The following ARHGAP25 variants were observed in gnomAD, a reference collection of about 807,000 sequenced individuals.
The protein encoded by ARHGAP25 is Rho GTPase activating protein 25.
Under a neutral mutation model 71.0 loss-of-function variants are expected in ARHGAP25, and 34 were observed. That is an observed-to-expected ratio of 0.48 (90% CI 0.36 to 0.64). The LOEUF (loss-of-function observed/expected upper bound fraction) is 0.64. ARHGAP25 is among the 30% of genes least tolerant of loss of function. ARHGAP25 has a pLI of 0.00. For missense variants in ARHGAP25, 706 were observed against 805.1 expected (o/e 0.88, Z 1.49); for synonymous variants, 282 against 296.5 (o/e 0.95, Z 0.50).
At chr2:68,792,140 A>G (rs4854517) in intron 4 of ARHGAP25, among the ~76,000 whole-genome samples, 140,006 of 152,228 alleles carry the variant, frequency 0.92, 64,414 homozygotes, top group African/African-American at 0.94. Flanking sequence ...CTCTTCCTCC[A>G]GAGATGAGCC....
intron 4 of ARHGAP25, among the ~76,000 whole-genome samples, chr2:68,792,200 A>C (rs540993843): frequency 2.2e-4 from 33 of 152,256 alleles, no homozygotes; most frequent in African/African-American, 7.7e-4. Flanking sequence ...AATGCATTAC[A>C]TTGTTCTCCT....
intron 4 of ARHGAP25, among the ~76,000 whole-genome samples, chr2:68,788,280 C>G (rs1214185238): frequency 6.6e-6 from 1 of 152,184 alleles, no homozygotes; most frequent in African/African-American, 2.4e-5. Flanking sequence ...GTACTCTCAT[C>G]TGTAAAATGA....
chr2:68,783,365 A>G (rs984125051), intron 3 of ARHGAP25, among the ~76,000 whole-genome samples: 6 of 152,236 alleles, frequency 3.9e-5, no homozygotes, highest in Non-Finnish European at 8.8e-5. Flanking sequence ...ATGCAGAAAA[A>G]AAATCCTAAA....
intron 1 of ARHGAP25, among the ~76,000 whole-genome samples, chr2:68,754,625 T>C (rs1676372870): frequency 6.6e-6 from 1 of 152,240 alleles, no homozygotes; most frequent in African/African-American, 2.4e-5. Flanking sequence ...GATCATATGA[T>C]AGGTATATAT....
At chr2:68,789,331 C>G (rs10865375) in intron 4 of ARHGAP25, among the ~76,000 whole-genome samples, 65,466 of 152,050 alleles carry the variant, frequency 0.43, 14,377 homozygotes, top group African/African-American at 0.47. Flanking sequence ...AGCCACCGTG[C>G]CCGGCCTGGA....
At chr2:68,757,767 AT>A (rs1170667166) in intron 1 of ARHGAP25, 1 of 152,134 alleles carries the variant, frequency 6.6e-6, no homozygotes, top group Non-Finnish European at 1.5e-5. Context: ...CAGAATTGCT[AT>A]AATGATGGTA....
At chr2:68,818,709 C>G (rs560207980) in intron 8 of ARHGAP25, among the ~76,000 whole-genome samples, 1 of 152,340 alleles carries the variant, frequency 6.6e-6, no homozygotes, top group East Asian at 1.9e-4. Context: ...TGTCCTGACA[C>G]AGAGTACTGA....
At chr2:68,788,050 A>C (rs1444646913) in intron 4 of ARHGAP25, 94 bp downstream of exon 4, 1 of 980,400 alleles carries the variant, frequency 1.0e-6, no homozygotes. Context: ...AGCAGTGCTC[A>C]AGGGAGACAA....
At chr2:68,810,606 C>T (rs375473250) in intron 5 of ARHGAP25, among the ~76,000 whole-genome samples, 14 of 152,190 alleles carry the variant, frequency 9.2e-5, no homozygotes, top group African/African-American at 3.4e-4. Flanking sequence ...TAATCCCTTT[C>T]TCTTTTCTAA....
Position 68,734,945 on chromosome 2 carries a change from C to A in ARHGAP25, c.-255C>A. 1.8e-6 allele frequency: 1 copy of A among 566,888 alleles called. No individual in the cohort carries two copies. The highest frequency in any genetic ancestry group is 3.1e-6 in the Non-Finnish European group (1 of 319,068). 35.1% of individuals were successfully genotyped at this position (566,888 alleles called of 1,614,324 possible). A position where few individuals can be genotyped will look rare whatever the true frequency, so the allele number is the denominator to read the frequency against. ...GAAAGCAAGAAAAGCAGGGTGCTAGCCCCTGTGGGACTGAGGGTGGAGGCT... is the reference window on the plus strand; with the variant it reads ...GAAAGCAAGAAAAGCAGGGTGCTAGACCCTGTGGGACTGAGGGTGGAGGCT... On this transcript the variant is annotated 5_prime_UTR_variant, in exon 1 of 11. Coordinates refer to ENST00000409202, the MANE Select transcript of ARHGAP25 (RefSeq NM_001007231.3).
chr2:68,800,721 A>ATT (rs1278627036), intron 4 of ARHGAP25, among the ~76,000 whole-genome samples: 1 of 152,208 alleles, frequency 6.6e-6, no homozygotes, highest in Non-Finnish European at 1.5e-5. Flanking sequence ...CAGTTTTCTC[A>ATT]TCTGTAAAAT....
intron 1 of ARHGAP25, chr2:68,757,840 G>C (rs1283707212): frequency 6.6e-6 from 1 of 151,992 alleles, no homozygotes; most frequent in African/African-American, 2.4e-5. Flanking sequence ...ACAATTATTA[G>C]TCTGGAAGCT....
At chr2:68,804,959 C>G (rs999314502) in intron 4 of ARHGAP25, among the ~76,000 whole-genome samples, 11 of 152,134 alleles carry the variant, frequency 7.2e-5, no homozygotes, top group African/African-American at 2.7e-4. Flanking sequence ...CAGGTACATA[C>G]AAATCATGAT....
intron 1 of ARHGAP25, among the ~76,000 whole-genome samples, chr2:68,760,883 T>G (rs1165607831): frequency 5.6e-5 from 1 of 17,840 alleles, no homozygotes; most frequent in Admixed American, 5.5e-4. Flanking sequence ...AAAAAAAAAT[T>G]TTTGAAAAAG....
At chr2:68,795,747 A>T (rs560447435) in intron 4 of ARHGAP25, among the ~76,000 whole-genome samples, 2 of 152,182 alleles carry the variant, frequency 1.3e-5, no homozygotes, top group Admixed American at 6.5e-5. Flanking sequence ...TGCAATTGTT[A>T]TATAGAATGT....
chr2:68,816,936 G>A (rs2103688624), intron 7 of ARHGAP25: 1 of 152,542 alleles, frequency 6.6e-6, no homozygotes, highest in Non-Finnish European at 1.5e-5. Flanking sequence ...ATAGCAAACA[G>A]TAAATGAGAA....
chr2:68,718,020 C>T (rs11689900), intron 2 of ARHGAP25, among the ~76,000 whole-genome samples: 35,742 of 151,942 alleles, frequency 0.24, 4,458 homozygotes, highest in East Asian at 0.37. Flanking sequence ...ACAGATAATT[C>T]ACTTGGTGGG....
Position 68,724,029 on chromosome 2 carries a change from G to A in ARHGAP25, c.-18+13331G>A, listed in dbSNP as rs368606760. Among the ~76,000 whole-genome samples the A allele has an allele frequency of 3.9e-5, 6 of 151,978 alleles. No individual in the cohort carries two copies. In the East Asian group the frequency reaches 1.2e-3, roughly 29 times the overall value. On this transcript the variant is annotated intron_variant and NMD_transcript_variant, in intron 2 of 7. Coordinates refer to the ARHGAP25 transcript ENST00000463483. ...GCTGGGACTACAGGTGTGCCACCAC[G>A]CCCAGCTAATTTTTGTCAAATCTCT...
intron 1 of ARHGAP25, among the ~76,000 whole-genome samples, chr2:68,761,437 G>A (rs567076917): frequency 6.6e-6 from 1 of 150,726 alleles, no homozygotes; most frequent in Admixed American, 6.6e-5. Flanking sequence ...ACTACCAACA[G>A]AGTAAAAAAT....
Sources: allele counts gnomAD v4.1 joint callset (sites outside exome capture counted in the v4.1 genomes callset), GRCh38; gene constraint gnomAD v4.1.1; transcripts MANE v1.5; gene names NCBI Gene and HGNC (gene_info 2026-07-23, HGNC 2026-07-21).